MTCL1: variants seen among roughly 807,000 people sequenced by gnomAD.
The protein encoded by MTCL1 is microtubule cross-linking factor 1.
Under a neutral mutation model 141.4 loss-of-function variants are expected in MTCL1, and 79 were observed. The ratio of observed to expected loss-of-function variants is 0.56; its 90% CI spans 0.47 to 0.67. The LOEUF is 0.67. Ranked by LOEUF, MTCL1 falls within the 30% of genes least tolerant of loss-of-function variation. MTCL1 has a pLI of 0.00. For synonymous variants in MTCL1, 914 were observed against 875.8 expected (o/e 1.04, Z -0.77); for missense variants, 2,177 against 2,113.9 (o/e 1.03, Z -0.59).
chr18:8,754,372 C>T (rs1300508795), intron 4 of MTCL1, among the ~76,000 whole-genome samples: 1 of 152,156 alleles, frequency 6.6e-6, no homozygotes, highest in Admixed American at 6.5e-5. Context: ...CGCCTGGCCT[C>T]TCCTTTATTT....
At chr18:8,809,756 G>A in intron 11 of MTCL1, 1 of 775,702 alleles carries the variant, frequency 1.3e-6, no homozygotes, top group Non-Finnish European at 2.0e-6. Context: ...CACTGAGACA[G>A]GAACGCAGAG....
Position 8,779,808 on chromosome 18 carries a change from G to A in MTCL1, c.417+1916G>A, listed in dbSNP as rs1360278851. Among the ~76,000 whole-genome samples the A allele has an allele frequency of 2.0e-5, 3 of 152,126 alleles. 1 individual carries two copies. The highest frequency in any genetic ancestry group is 4.4e-5 in the Non-Finnish European group (3 of 68,024). On this transcript the variant is annotated intron_variant, in intron 5 of 16. Transcript: ENST00000359865. This position sits in a 1 kb window ranked among gnomAD's most constrained non-coding sequence, Gnocchi z 4.1. ...CTGACAGCTTTTTTCTTTAAGGAACGAGAAGACGTTTTGGACATTTTATCA... is the reference window on the plus strand; with the variant it reads ...CTGACAGCTTTTTTCTTTAAGGAACAAGAAGACGTTTTGGACATTTTATCA...
chr18:8,752,143 A>G (rs577668129), intron 4 of MTCL1, among the ~76,000 whole-genome samples: 1 of 152,338 alleles, frequency 6.6e-6, no homozygotes, highest in South Asian at 2.1e-4. Flanking sequence ...GAGATGGCTG[A>G]TTTGGGGAGA....
At chr18:8,786,611 A>G (rs1002592704) in intron 7 of MTCL1, 13 of 339,618 alleles carry the variant, frequency 3.8e-5, no homozygotes, top group Admixed American at 1.5e-4. Context: ...CTGTCACCAC[A>G]GTAACCCGGT....
At position 8,824,613 on chromosome 18, in the gene MTCL1, C is replaced by T. The variant is rs981292528; in HGVS notation, c.3189-86C>T. The stretch of plus-strand genomic sequence containing the variant: ...GTGGCAGCGGGTGCCTTCACTGACA[C>T]TTCTCATGCAGGGCAGGACATGGGT... On this transcript the variant is annotated intron_variant, in intron 14 of 16. Transcript: ENST00000359865. 5 of 1,222,714 alleles carry T rather than the reference C, an allele frequency of 4.1e-6. No homozygotes were observed. The Admixed American group carries it at 1.3e-4, about 31-fold the overall frequency. The allele number at this position is 1,222,714 out of a possible 1,614,324, so 75.7% of individuals were successfully genotyped here.
chr18:8,718,681 G>A, intron 3 of MTCL1, 33 bp downstream of exon 2: 1 of 1,600,340 alleles, frequency 6.2e-7, no homozygotes, highest in Non-Finnish European at 8.6e-7. Flanking sequence ...CACCTCGCAA[G>A]GCTGCTGTGG....
intron 8 of MTCL1, among the ~76,000 whole-genome samples, chr18:8,795,873 G>A (rs1347484407): frequency 6.6e-6 from 1 of 152,200 alleles, no homozygotes; most frequent in Non-Finnish European, 1.5e-5. Context: ...CTCATGTACA[G>A]AGGGGAAGTG....
At chr18:8,791,300 G>A (rs1312416701) in intron 7 of MTCL1, among the ~76,000 whole-genome samples, 1 of 152,026 alleles carries the variant, frequency 6.6e-6, no homozygotes, top group South Asian at 2.1e-4. Flanking sequence ...ACTGAAGCTG[G>A]CCTCACCCAA....
chr18:8,785,228 A>G (rs896750008), intron 6 of MTCL1, among the ~76,000 whole-genome samples: 1 of 152,024 alleles, frequency 6.6e-6, no homozygotes, highest in Admixed American at 6.5e-5. Flanking sequence ...AGCCGTGAGG[A>G]GGCTAAGACA....
At position 8,706,146 on chromosome 18, in the gene MTCL1, C is replaced by G. The variant is rs2096057835; in HGVS notation, c.486C>G (p.Ala162=). The change falls in exon 1 of 14, where the codon GCC becomes GCG. Residue 162 remains alanine (A), a synonymous_variant. Coordinates refer to the MTCL1 transcript ENST00000306329. ...CTGCCGCTGCCAAGGGCCGCAAAGC[C>G]AAGCGCGGCTCCCGGGCGCCACCCG... The G allele has an allele frequency of 2.5e-6, 3 of 1,219,116 alleles. No homozygotes were observed. In the African/African-American group the frequency reaches 4.7e-5, roughly 19 times the overall value. 75.5% of individuals were successfully genotyped at this position (1,219,116 alleles called of 1,614,324 possible).
intron 5 of MTCL1, among the ~76,000 whole-genome samples, chr18:8,778,309 C>T (rs1568014265): frequency 6.6e-6 from 1 of 152,196 alleles, no homozygotes; most frequent in Admixed American, 6.5e-5. Context: ...GCAAGCTGAA[C>T]GATATCTTGA....
intron 7 of MTCL1, chr18:8,789,408 CT>C (rs1171442287): frequency 6.1e-6 from 6 of 985,284 alleles, no homozygotes; most frequent in Non-Finnish European, 7.2e-6. Context: ...GCTAGGCACT[CT>C]AGTGATGGCC....
chr18:8,799,962 G>A (rs190682289), intron 10 of MTCL1, among the ~76,000 whole-genome samples: 63 of 152,276 alleles, frequency 4.1e-4, no homozygotes, highest in East Asian at 1.7e-3. Context: ...CTTCCACTGC[G>A]GGCCATGTGT....
At chr18:8,825,410 C>A (rs748892380) in exon 15 of MTCL1, 31 of 1,544,570 alleles carry the variant, frequency 2.0e-5, no homozygotes, top group Non-Finnish European at 2.4e-5. Context: ...CCGGCCCTGG[C>A]GAGCTGCAAG....
chr18:8,801,493 A>G (rs944185842), intron 10 of MTCL1, among the ~76,000 whole-genome samples: 1 of 152,102 alleles, frequency 6.6e-6, no homozygotes, highest in African/African-American at 2.4e-5. Flanking sequence ...GAAGCGTTTT[A>G]TCTTTGCCGT....
At chr18:8,712,082 C>G (rs1367608360) in intron 1 of MTCL1, among the ~76,000 whole-genome samples, 1 of 152,196 alleles carries the variant, frequency 6.6e-6, no homozygotes, top group Non-Finnish European at 1.5e-5. Flanking sequence ...CCACACCTCC[C>G]CCACCCCCAA....
Position 8,718,525 on chromosome 18 carries a change from C to T in MTCL1, c.75C>T (p.Arg25=), listed in dbSNP as rs114243008. 1,689 of 1,614,106 alleles carry T rather than the reference C, an allele frequency of 1.0e-3. 7 individuals are homozygous for T. The African/African-American group carries it at 0.014, about 14-fold the overall frequency. Residue 25 remains arginine, a synonymous_variant, in exon 3 of 17, where the codon CGC becomes CGT. Coordinates refer to ENST00000359865, the Ensembl canonical transcript of MTCL1. ...AGGAACTTCGGCGAGAACTGGACCG[C>T]GCTAATAAAAACTGCCGAATCCTGC...
rs149127976 is a variant in MTCL1, at chr18:8,824,553, G to C, written c.3189-146G>C. The C allele has an allele frequency of 2.6e-4, 169 of 660,998 alleles. No individual in the cohort carries two copies. In the East Asian group the frequency reaches 4.3e-3, roughly 17 times the overall value. The allele number at this position is 660,998 out of a possible 1,614,324, so 40.9% of individuals were successfully genotyped here. On this transcript the variant is annotated intron_variant, in intron 14 of 16. Coordinates refer to ENST00000359865, the Ensembl canonical transcript of MTCL1. ...CCCGCAGGGTAAGTCTGTGAGTGCAGCACATGAGCAGCTGACAGTGTTCTC... is the reference window on the plus strand; with the variant it reads ...CCCGCAGGGTAAGTCTGTGAGTGCACCACATGAGCAGCTGACAGTGTTCTC...
intron 5 of MTCL1, chr18:8,782,865 A>G (rs952345324): frequency 6.6e-6 from 1 of 152,206 alleles, no homozygotes; most frequent in Non-Finnish European, 1.5e-5. Context: ...CTCATACCTC[A>G]TGTTTTTGTC....
Sources: gnomAD v4.1 joint callset for allele counts (sites outside exome capture counted in the v4.1 genomes callset) on GRCh38, gnomAD v4.1.1 for gene constraint, Gnocchi (gnomAD v3.1) non-coding constraint, MANE v1.5 for transcripts, NCBI Gene and HGNC (gene_info 2026-07-23, HGNC 2026-07-21) for gene names.